Variants in MRPS6 observed in about 807,000 individuals in gnomAD.
MRPS6 encodes small ribosomal subunit protein bS6m.
A neutral mutation model predicts 13.1 loss-of-function variants in MRPS6; 6 were observed. The ratio of observed to expected loss-of-function variants is 0.46; its 90% CI spans 0.25 to 0.91. The LOEUF is 0.91. Ranked by LOEUF, MRPS6 falls within the 40% of genes least tolerant of loss-of-function variation. MRPS6 has a pLI of 0.18. For missense variants in MRPS6, 164 were observed against 155.6 expected (o/e 1.05, Z -0.29); for synonymous variants, 61 against 56.5 (o/e 1.08, Z -0.36).
intron 2 of MRPS6, among the ~76,000 whole-genome samples, chr21:34,130,175 G>T (rs373065727): frequency 6.6e-6 from 1 of 151,950 alleles, no homozygotes; most frequent in African/African-American, 2.4e-5. Context: ...CCACTTGTCT[G>T]CTAGGGAGAA....
At chr21:34,112,221 A>G (rs1192299129) in intron 1 of MRPS6, among the ~76,000 whole-genome samples, 1 of 152,190 alleles carries the variant, frequency 6.6e-6, no homozygotes, top group East Asian at 1.9e-4. Context: ...TTGACTAGTC[A>G]TCAAACATTT....
chr21:34,095,676 G>A lies in MRPS6; in HGVS notation c.45+21931G>A, dbSNP rs1474909191. ...GGAGTCTTTGGGTTGGAATCTTTAT[G>A]TGTCTGTCATCCTGCTCATTGGCAT... On this transcript the variant is annotated intron_variant, in intron 1 of 2. Transcript: ENST00000399312. The A allele has an allele frequency of 2.5e-6, 4 of 1,613,532 alleles. No homozygotes were observed. In the East Asian group the frequency reaches 8.9e-5, roughly 36 times the overall value.
At chr21:34,087,856 T>C (rs917560744) in intron 1 of MRPS6, among the ~76,000 whole-genome samples, 6 of 152,218 alleles carry the variant, frequency 3.9e-5, no homozygotes, top group Non-Finnish European at 7.3e-5. Flanking sequence ...TGTCTTTGAT[T>C]CTGGATATAT....
chr21:34,101,129 T>A lies in MRPS6; in HGVS notation c.46-24212T>A, dbSNP rs939805351. The A allele has an allele frequency of 6.0e-6, 6 of 999,920 alleles. No individual in the cohort carries two copies. In the African/African-American group the frequency reaches 1.0e-4, roughly 17 times the overall value. 61.9% of individuals were successfully genotyped at this position (999,920 alleles called of 1,614,324 possible). A position where few individuals can be genotyped will look rare whatever the true frequency, so the allele number is the denominator to read the frequency against. On this transcript the variant is annotated intron_variant, in intron 1 of 2. Transcript: ENST00000399312. ...GCCAGGACAAAATTTTCCTAAGAAATCAGAAAAATGATTAAGTGAGATAAG... is the reference window on the plus strand; with the variant it reads ...GCCAGGACAAAATTTTCCTAAGAAAACAGAAAAATGATTAAGTGAGATAAG...
intron 2 of MRPS6, 96 bp downstream of exon 2, chr21:34,125,576 A>G: frequency 6.5e-7 from 1 of 1,530,834 alleles, no homozygotes; most frequent in Non-Finnish European, 8.8e-7. Flanking sequence ...TTTCACATTG[A>G]GACCCCTGTT....
At chr21:34,101,793 C>A in intron 1 of MRPS6, 1 of 996,446 alleles carries the variant, frequency 1.0e-6, no homozygotes, top group South Asian at 4.7e-5. Context: ...AATGTTAATT[C>A]TCAGGAATGA....
intron 1 of MRPS6, chr21:34,095,553 G>A: frequency 6.2e-7 from 1 of 1,613,752 alleles, no homozygotes; most frequent in Non-Finnish European, 8.5e-7. Context: ...GCGATTTGGT[G>A]GCCATAGGAT....
chr21:34,117,278 C>G (rs1979956242), intron 1 of MRPS6, among the ~76,000 whole-genome samples: 1 of 152,124 alleles, frequency 6.6e-6, no homozygotes, highest in Non-Finnish European at 1.5e-5. Flanking sequence ...AGAATTTTCT[C>G]CCTTCCTTTC....
intron 1 of MRPS6, among the ~76,000 whole-genome samples, chr21:34,079,367 A>C (rs1989407107): frequency 6.6e-6 from 1 of 152,158 alleles, no homozygotes; most frequent in African/African-American, 2.4e-5. Flanking sequence ...ACAATTTTCT[A>C]GGTGCATCAT....
At chr21:34,103,742 C>G in intron 1 of MRPS6, 1 of 999,790 alleles carries the variant, frequency 1.0e-6, no homozygotes, top group Non-Finnish European at 1.2e-6. Flanking sequence ...CTAAACTGGT[C>G]CTAATGGTAA....
intron 2 of MRPS6, among the ~76,000 whole-genome samples, chr21:34,133,540 C>T (rs867532659): frequency 6.6e-6 from 1 of 152,124 alleles, no homozygotes; most frequent in Non-Finnish European, 1.5e-5. Context: ...CCAAGACAGC[C>T]CCAGAGGTGC....
intron 2 of MRPS6, among the ~76,000 whole-genome samples, chr21:34,134,029 G>C (rs1980600117): frequency 6.6e-6 from 1 of 152,192 alleles, no homozygotes; most frequent in Non-Finnish European, 1.5e-5. Flanking sequence ...AATTATTGTG[G>C]GGCAAGGGGA....
chr21:34,087,372 T>G (rs1199708904), intron 1 of MRPS6, among the ~76,000 whole-genome samples: 1 of 152,212 alleles, frequency 6.6e-6, no homozygotes, highest in Non-Finnish European at 1.5e-5. Flanking sequence ...AACTTAGTTG[T>G]TAATATTTGA....
At chr21:34,095,776 T>A in intron 1 of MRPS6, 1 of 1,614,064 alleles carries the variant, frequency 6.2e-7, no homozygotes, top group Non-Finnish European at 8.5e-7. Flanking sequence ...CTGCTCATGA[T>A]CATTGGGGCA....
At chr21:34,104,337 G>A in intron 1 of MRPS6, 1 of 998,918 alleles carries the variant, frequency 1.0e-6, no homozygotes, top group Non-Finnish European at 1.2e-6. Flanking sequence ...GAAAACGTAT[G>A]TTCTTCTACT....
intron 2 of MRPS6, among the ~76,000 whole-genome samples, chr21:34,131,132 A>G (rs1039260688): frequency 2.6e-5 from 4 of 152,248 alleles, no homozygotes; most frequent in African/African-American, 9.6e-5. Context: ...TAGAAGTGGA[A>G]AATGGAAAAC....
chr21:34,127,289 C>G (rs748160277), intron 2 of MRPS6, among the ~76,000 whole-genome samples: 1 of 152,128 alleles, frequency 6.6e-6, no homozygotes, highest in African/African-American at 2.4e-5. Flanking sequence ...TGGGATAAAT[C>G]AGTGTCTGGT....
chr21:34,107,864 T>C (rs1456952820), intron 1 of MRPS6, among the ~76,000 whole-genome samples: 1 of 152,238 alleles, frequency 6.6e-6, no homozygotes, highest in Non-Finnish European at 1.5e-5. Context: ...GGATGCACTG[T>C]GTCATTTCCC....
chr21:34,083,502 G>A (rs960367267), intron 1 of MRPS6, among the ~76,000 whole-genome samples: 5 of 152,150 alleles, frequency 3.3e-5, no homozygotes, highest in African/African-American at 1.2e-4. Flanking sequence ...TAGGAAAGGT[G>A]TATGGTACTG....
Sources: allele counts gnomAD v4.1 joint callset (sites outside exome capture counted in the v4.1 genomes callset), GRCh38; gene constraint gnomAD v4.1.1; transcripts MANE v1.5; gene names NCBI Gene and HGNC (gene_info 2026-07-23, HGNC 2026-07-21).